The following UNC13C variants were observed in gnomAD, a reference collection of about 807,000 sequenced individuals.
The protein encoded by UNC13C is protein unc-13 homolog C.
Under a neutral mutation model 245.4 loss-of-function variants are expected in UNC13C, and 174 were observed. That is an observed-to-expected ratio of 0.71 (90% CI 0.63 to 0.80). The LOEUF (loss-of-function observed/expected upper bound fraction) is 0.80. Ranked by LOEUF, UNC13C falls within the 30% of genes least tolerant of loss-of-function variation. UNC13C has a pLI of 0.00. For synonymous variants in UNC13C, 992 were observed against 895.1 expected, an observed-to-expected ratio of 1.11 and a Z score of -1.93; for missense variants, 2,829 against 2,602.9, an observed-to-expected ratio of 1.09 and a Z score of -1.89.
the UNC13C span, among the ~76,000 whole-genome samples, chr15:53,849,678 T>A: frequency 6.6e-6 from 1 of 152,150 alleles, no homozygotes; most frequent in Non-Finnish European, 1.5e-5. Context: ...AAGTAAGCCA[T>A]TAGATGATGA....
intron 17 of UNC13C, among the ~76,000 whole-genome samples, chr15:54,356,675 T>G (rs1464779763): frequency 6.6e-6 from 1 of 152,160 alleles, no homozygotes; most frequent in African/African-American, 2.4e-5. Flanking sequence ...ATTTGATAAT[T>G]CCCCAAAAAT....
At chr15:54,476,948 T>G (rs202165549) in intron 19 of UNC13C, among the ~76,000 whole-genome samples, 6 of 139,772 alleles carry the variant, frequency 4.3e-5, no homozygotes, top group South Asian at 2.5e-4. Context: ...GAGCATGGAA[T>G]GTTCTTCCAT....
intron 25 of UNC13C, among the ~76,000 whole-genome samples, chr15:54,528,375 A>C (rs1302337300): frequency 6.7e-6 from 1 of 150,120 alleles, no homozygotes; most frequent in Non-Finnish European, 1.5e-5. Context: ...TGGCTAGATT[A>C]AGTAAACAAA....
intron 4 of UNC13C, among the ~76,000 whole-genome samples, chr15:54,164,157 G>A (rs4564518): frequency 0.62 from 94,124 of 151,960 alleles, 30,603 homozygotes; most frequent in African/African-American, 0.83. Flanking sequence ...TTAAAGAAAG[G>A]AAAAAGGAGA....
At chr15:54,209,516 G>A (rs1008653859) in intron 4 of UNC13C, among the ~76,000 whole-genome samples, 3 of 151,954 alleles carry the variant, frequency 2.0e-5, no homozygotes, top group Non-Finnish European at 4.4e-5. Context: ...AGGCTCAGAT[G>A]ATCCTCCCTC....
rs541085887 is a variant in UNC13C, at chr15:54,220,924, A to G, written c.3072-14106A>G. On this transcript the variant is annotated intron_variant, in intron 4 of 32. Coordinates refer to ENST00000260323, the MANE Select transcript of UNC13C (RefSeq NM_001080534.3). ...TGGTTTGCTACTTGGGATGAAAAAG[A>G]CAATAATGGTGTATTATTTTATGTA... Among the ~76,000 whole-genome samples the G allele has an allele frequency of 2.1e-3, 316 of 152,170 alleles. 2 individuals are homozygous for G. The highest frequency in any genetic ancestry group is 3.4e-3 in the Middle Eastern group (1 of 294).
chr15:53,855,340 G>A, the UNC13C span, among the ~76,000 whole-genome samples: 2 of 152,152 alleles, frequency 1.3e-5, no homozygotes, highest in Non-Finnish European at 2.9e-5. Flanking sequence ...TGTTGAGTAG[G>A]AGTGGTTAGA....
chr15:54,023,767 G>A (rs1281099266), intron 2 of UNC13C, among the ~76,000 whole-genome samples: 2 of 152,128 alleles, frequency 1.3e-5, no homozygotes, highest in African/African-American at 2.4e-5. Flanking sequence ...ATTTTTTGAG[G>A]AAAATATTAA....
chr15:53,962,126 T>C, the UNC13C span, among the ~76,000 whole-genome samples: 3 of 152,172 alleles, frequency 2.0e-5, no homozygotes, highest in Non-Finnish European at 4.4e-5. Context: ...TCCATGACAT[T>C]GATGATAGCT....
the UNC13C span, among the ~76,000 whole-genome samples, chr15:53,874,833 C>T: frequency 4.6e-5 from 7 of 152,282 alleles, no homozygotes; most frequent in South Asian, 2.1e-4. Context: ...CGGTGGCTCA[C>T]GCCTGTAATC....
rs530454532 is a variant in UNC13C at position 54,370,988 on chromosome 15, T to C, written c.4714-22060T>C. 1.2e-3 allele frequency among the ~76,000 whole-genome samples: 179 copies of C among 152,318 alleles called. 3 individuals carry two copies. Among genetic ancestry groups the C allele is most frequent in the Non-Finnish European group, 7.5e-4 (51 of 68,032 alleles). Reference sequence around the variant, plus strand: ...AAAATATAGCTAATTAACATATGCATGACCTCACATAGTTATGATTTTTGT... The same window carrying C: ...AAAATATAGCTAATTAACATATGCACGACCTCACATAGTTATGATTTTTGT... On this transcript the variant is annotated intron_variant, in intron 17 of 32. Coordinates refer to ENST00000260323, the MANE Select transcript of UNC13C (RefSeq NM_001080534.3).
chr15:54,147,199 G>A (rs2032298875), intron 4 of UNC13C, among the ~76,000 whole-genome samples: 1 of 147,538 alleles, frequency 6.8e-6, no homozygotes, highest in Non-Finnish European at 1.5e-5. Context: ...CAGCTACCGA[G>A]CATCAATTTG....
the UNC13C span, among the ~76,000 whole-genome samples, chr15:53,880,360 C>T: frequency 3.3e-5 from 5 of 152,200 alleles, no homozygotes; most frequent in Non-Finnish European, 5.9e-5. Flanking sequence ...TGACCGATTA[C>T]TTCAATTTCA....
intron 10 of UNC13C, among the ~76,000 whole-genome samples, chr15:54,288,830 A>G (rs760713889): frequency 3.9e-5 from 6 of 152,024 alleles, no homozygotes; most frequent in Non-Finnish European, 7.4e-5. Context: ...AGCCTGGACA[A>G]TTTTGTCTCT....
intron 2 of UNC13C, among the ~76,000 whole-genome samples, chr15:54,110,449 A>G (rs1900711280): frequency 6.6e-6 from 1 of 152,194 alleles, no homozygotes; most frequent in Non-Finnish European, 1.5e-5. Flanking sequence ...ATGTAAAATC[A>G]AATTCTGTCT....
the UNC13C span, among the ~76,000 whole-genome samples, chr15:53,900,800 A>C: frequency 1.3e-5 from 2 of 152,172 alleles, no homozygotes; most frequent in East Asian, 3.9e-4. Flanking sequence ...GATTGTGTAC[A>C]TTTGCAATAC....
chr15:54,050,318 T>G, intron 2 of UNC13C: 1 of 584,074 alleles, frequency 1.7e-6, no homozygotes, highest in Non-Finnish European at 3.3e-6. Context: ...ATAAAGAACA[T>G]TTTCTGAATC....
chr15:54,035,705 A>G (rs899414795), intron 2 of UNC13C, among the ~76,000 whole-genome samples: 4 of 152,170 alleles, frequency 2.6e-5, no homozygotes, highest in Non-Finnish European at 1.5e-5. Flanking sequence ...TTGCACAGGC[A>G]TGGGAAGTTT....
chr15:54,429,669 C>T (rs558807990), intron 19 of UNC13C, among the ~76,000 whole-genome samples: 6 of 151,670 alleles, frequency 4.0e-5, no homozygotes, highest in Admixed American at 2.6e-4. Context: ...TTGAATTCTA[C>T]ACAAGGTACA....
Sources: allele counts gnomAD v4.1 joint callset (sites outside exome capture counted in the v4.1 genomes callset), GRCh38; gene constraint gnomAD v4.1.1; transcripts MANE v1.5; gene names NCBI Gene and HGNC (gene_info 2026-07-23, HGNC 2026-07-21).